ADRA1A: variants seen among roughly 807,000 people sequenced by gnomAD.
ADRA1A encodes the protein adrenoceptor alpha 1A.
Under a neutral mutation model 29.6 loss-of-function variants are expected in ADRA1A, and 31 were observed. That is an observed-to-expected ratio of 1.05 (90% CI 0.79 to 1.41). ADRA1A has a LOEUF of 1.41. ADRA1A is among the 40% of genes most tolerant of loss of function. The pLI is 0.00. For synonymous variants in ADRA1A, 311 were observed against 254.3 expected, an observed-to-expected ratio of 1.22 and a Z score of -2.12; for missense variants, 619 against 601.1, an observed-to-expected ratio of 1.03 and a Z score of -0.31.
chr8:26,769,747 T>C lies in ADRA1A; in HGVS notation c.*402A>G. On this transcript the variant is annotated 3_prime_UTR_variant, in exon 3 of 3. Coordinates refer to ENST00000380573, the MANE Select transcript of ADRA1A (RefSeq NM_000680.4). ...GCTGTCAGTAGGTTGAGCCTGAAAA[T>C]AAAATCCCCTCACTTCCATCAAGAA... The C allele has an allele frequency of 1.0e-6, 1 of 992,350 alleles. No homozygotes were observed. The highest frequency in any genetic ancestry group is 4.7e-5 in the South Asian group (1 of 21,412). 61.5% of individuals were successfully genotyped at this position (992,350 alleles called of 1,614,324 possible).
chr8:26,791,464 G>A (rs984661136), intron 2 of ADRA1A, among the ~76,000 whole-genome samples: 27 of 152,256 alleles, frequency 1.8e-4, no homozygotes, highest in African/African-American at 5.8e-4. Flanking sequence ...GATGATGATG[G>A]CAGTAAATTA....
chr8:26,788,643 T>C (rs1807583616), intron 2 of ADRA1A, among the ~76,000 whole-genome samples: 2 of 152,294 alleles, frequency 1.3e-5, no homozygotes, highest in South Asian at 4.1e-4. Flanking sequence ...GTAGGCATTG[T>C]TTATCCCCAT....
downstream of ADRA1A, chr8:26,765,863 A>T (rs1805748588): frequency 7.1e-7 from 1 of 1,411,986 alleles, no homozygotes; most frequent in Non-Finnish European, 9.2e-7. Context: ...CAGAGTGAAA[A>T]ATTGCCTGCC....
chr8:26,752,522 C>G (rs1804965688), downstream of ADRA1A, among the ~76,000 whole-genome samples: 5 of 152,362 alleles, frequency 3.3e-5, no homozygotes, highest in South Asian at 1.0e-3. Context: ...ATGCAAGCTT[C>G]AAGCTTGCTT....
At chr8:26,858,050 A>G (rs1463751631) in intron 2 of ADRA1A, among the ~76,000 whole-genome samples, 2 of 152,216 alleles carry the variant, frequency 1.3e-5, no homozygotes, top group African/African-American at 4.8e-5. Context: ...CACCTGATAA[A>G]TCCACTGCCA....
At chr8:26,788,704 AC>A (rs534804028) in intron 2 of ADRA1A, among the ~76,000 whole-genome samples, 229 of 152,256 alleles carry the variant, frequency 1.5e-3, no homozygotes, top group Admixed American at 3.2e-3. Flanking sequence ...TTGCCAAAAA[AC>A]AATCAGCCAA....
chr8:26,851,178 T>G (rs1404314835), intron 2 of ADRA1A, among the ~76,000 whole-genome samples: 1 of 152,234 alleles, frequency 6.6e-6, no homozygotes, highest in Non-Finnish European at 1.5e-5. Context: ...ACTATTTTAT[T>G]AACTAAAAGA....
At chr8:26,777,320 G>T (rs1806621452) in intron 2 of ADRA1A, among the ~76,000 whole-genome samples, 1 of 152,190 alleles carries the variant, frequency 6.6e-6, no homozygotes, top group African/African-American at 2.4e-5. Flanking sequence ...GACATGAAAT[G>T]TGTATGTCCA....
chr8:26,842,769 G>A (rs932409451), intron 2 of ADRA1A, among the ~76,000 whole-genome samples: 2 of 151,620 alleles, frequency 1.3e-5, no homozygotes, highest in African/African-American at 4.8e-5. Context: ...TATCATCCCT[G>A]GTCTGGGTCA....
chr8:26,770,107 G>T lies in ADRA1A; in HGVS notation c.*42C>A, dbSNP rs142294326. 5.4e-5 allele frequency: 82 copies of T among 1,516,522 alleles called. No individual in the cohort carries two copies. The African/African-American group carries it at 1.1e-3, about 20-fold the overall frequency. 93.9% of individuals were successfully genotyped at this position (1,516,522 alleles called of 1,614,324 possible). ...GGCCTTCCGAGAAGGAAGTGGGGTG[G>T]GTACCTAAGATTATTCCCCTTTCCT... On this transcript the variant is annotated 3_prime_UTR_variant, in exon 3 of 3. Coordinates refer to ENST00000380573, the MANE Select transcript of ADRA1A (RefSeq NM_000680.4).
At chr8:26,845,808 T>C (rs1478272952) in intron 2 of ADRA1A, among the ~76,000 whole-genome samples, 1 of 152,152 alleles carries the variant, frequency 6.6e-6, no homozygotes, top group Non-Finnish European at 1.5e-5. Flanking sequence ...CTTGATAACA[T>C]TATGCAAAAT....
At position 26,821,739 on chromosome 8, in the gene ADRA1A, AC is replaced by A. The variant is rs75325751; in HGVS notation, c.883+42347del. 1.7e-3 allele frequency among the ~76,000 whole-genome samples: 258 copies of A among 147,982 alleles called. 4 individuals are homozygous for A. In the East Asian group the frequency reaches 0.048, roughly 27 times the overall value. On this transcript the variant is annotated intron_variant, in intron 2 of 2. Transcript: ENST00000380573. This position sits in a 1 kb window ranked among gnomAD's most constrained non-coding sequence, Gnocchi z 5.6. ...TCTCAAATAGTCCTTTTATAGCCAT[AC>A]CCACTTCCCTTCTGCCCCACCCCGA...
intron 2 of ADRA1A, among the ~76,000 whole-genome samples, chr8:26,792,140 A>G (rs1479678737): frequency 6.6e-6 from 1 of 152,136 alleles, no homozygotes; most frequent in Non-Finnish European, 1.5e-5. Context: ...CAGGATTGGA[A>G]CCCAAGTGCG....
At position 26,831,816 on chromosome 8, in the gene ADRA1A, C is replaced by T. The variant is rs1292408174; in HGVS notation, c.883+32271G>A. On this transcript the variant is annotated intron_variant, in intron 2 of 2. Coordinates refer to ENST00000380573, the MANE Select transcript of ADRA1A (RefSeq NM_000680.4). This position sits in a 1 kb window ranked among gnomAD's most constrained non-coding sequence, Gnocchi z 5.2. ...GCATCTTCTTTGCTGTCTAGTGCTC[C>T]TTGTCATGGTCTCTGGGGCTGTCAG... 6.6e-6 allele frequency among the ~76,000 whole-genome samples: 1 copy of T among 152,214 alleles called. No individual in the cohort carries two copies. Among genetic ancestry groups the T allele is most frequent in the Non-Finnish European group, 1.5e-5 (1 of 68,042 alleles).
rs960292781 is a variant in ADRA1A at position 26,848,796 on chromosome 8, A to C, written c.883+15291T>G. 2.0e-5 allele frequency among the ~76,000 whole-genome samples: 3 copies of C among 152,188 alleles called. No individual in the cohort carries two copies. The highest frequency in any genetic ancestry group is 6.5e-5 in the Admixed American group (1 of 15,282). Reference sequence around the variant, plus strand: ...CCACAAGGGAAAGCTCAGCTTACTGAACTGTGTAGGGATTCTGTTACTGTC... The same window carrying C: ...CCACAAGGGAAAGCTCAGCTTACTGCACTGTGTAGGGATTCTGTTACTGTC... On this transcript the variant is annotated intron_variant, in intron 2 of 2. Transcript: ENST00000380573. The surrounding 1 kb of genome is among the most constrained non-coding windows in gnomAD (Gnocchi z 4.3).
chr8:26,820,986 T>A (rs1171004384), intron 2 of ADRA1A, among the ~76,000 whole-genome samples: 1 of 151,910 alleles, frequency 6.6e-6, no homozygotes, highest in Non-Finnish European at 1.5e-5. Context: ...ACCTCCTGGG[T>A]TCAAGCGATT....
At chr8:26,751,769 T>C (rs1453665513), downstream of ADRA1A, among the ~76,000 whole-genome samples, 1 of 152,244 alleles carries the variant, frequency 6.6e-6, no homozygotes, top group Non-Finnish European at 1.5e-5. Flanking sequence ...ACTCATTGAA[T>C]GTTTATTATG....
Position 26,865,179 on chromosome 8 carries a change from G to A in ADRA1A, c.-210C>T, listed in dbSNP as rs969993292. ...TCAGAAGGCCACATGAAGGGGCAGG[G>A]CATTAAAGACATGGCCAGGGGCGCG... On this transcript the variant is annotated 5_prime_UTR_variant, in exon 2 of 3. Coordinates refer to ENST00000380573, the MANE Select transcript of ADRA1A (RefSeq NM_000680.4). This position sits in a 1 kb window ranked among gnomAD's most constrained non-coding sequence, Gnocchi z 7.6. 4.2e-6 allele frequency: 6 copies of A among 1,413,678 alleles called. No homozygotes were observed. The Admixed American group carries it at 9.0e-5, about 21-fold the overall frequency. 87.6% of individuals were successfully genotyped at this position (1,413,678 alleles called of 1,614,324 possible).
At chr8:26,838,362 T>C (rs1811550079) in intron 2 of ADRA1A, among the ~76,000 whole-genome samples, 1 of 152,186 alleles carries the variant, frequency 6.6e-6, no homozygotes, top group Non-Finnish European at 1.5e-5. Flanking sequence ...CGAGGCTTAG[T>C]GATGAGTAGA....
Sources: allele counts gnomAD v4.1 joint callset (sites outside exome capture counted in the v4.1 genomes callset), GRCh38; gene constraint gnomAD v4.1.1; non-coding constraint Gnocchi (gnomAD v3.1); transcripts MANE v1.5; gene names NCBI Gene and HGNC (gene_info 2026-07-23, HGNC 2026-07-21).